ATG7: variants seen among roughly 807,000 people sequenced by gnomAD.
The protein encoded by ATG7 is ubiquitin-like modifier-activating enzyme ATG7.
In ATG7, 70 loss-of-function variants were observed where a neutral mutation model predicts 82.4. That is an observed-to-expected ratio of 0.85 (90% confidence interval 0.70 to 1.04). The LOEUF (loss-of-function observed/expected upper bound fraction) is 1.04. ATG7 is among the 50% of genes least tolerant of loss of function. The probability of loss-of-function intolerance (pLI) is 0.00; values close to 1 mark genes in which losing one functional copy is unlikely to be tolerated. For synonymous variants in ATG7, 287 were observed against 313.0 expected (o/e 0.92, Z 0.88); for missense variants, 792 against 864.3 (o/e 0.92, Z 1.05).
At chr3:11,575,666 T>C in the ATG7 span, among the ~76,000 whole-genome samples, 1 of 152,232 alleles carries the variant, frequency 6.6e-6, no homozygotes, top group Non-Finnish European at 1.5e-5. Context: ...TAAGTGATTT[T>C]AGTTAGAGAC....
In ATG7 at chr3:11,331,448, T is replaced by A; in HGVS notation, c.767+20T>A. The A allele has an allele frequency of 6.5e-7, 1 of 1,536,082 alleles. No homozygotes were observed. Among genetic ancestry groups the A allele is most frequent in the Non-Finnish European group, 9.0e-7 (1 of 1,109,276 alleles). ...CAGATGGTATTTACAAGAGTGTGTG[T>A]TTGTCTGTCTGTCTGCCTTTGCCAG... On this transcript the variant is annotated intron_variant, in intron 10 of 20. Transcript: ENST00000693202.
chr3:11,452,259 C>T (rs978945228), intron 20 of ATG7, among the ~76,000 whole-genome samples: 3 of 151,684 alleles, frequency 2.0e-5, no homozygotes, highest in African/African-American at 7.3e-5. Context: ...GTGGCACATG[C>T]CTGTAATCCC....
intron 20 of ATG7, among the ~76,000 whole-genome samples, chr3:11,494,649 A>G (rs978253744): frequency 6.6e-6 from 1 of 152,226 alleles, no homozygotes; most frequent in South Asian, 2.1e-4. Context: ...TGAGCAGAGC[A>G]GAATAGATCA....
intron 6 of ATG7, chr3:11,308,783 G>C: frequency 1.7e-6 from 1 of 600,130 alleles, no homozygotes; most frequent in Non-Finnish European, 3.0e-6. Flanking sequence ...ACTTGGCTTA[G>C]ATGTTGAAGG....
intron 20 of ATG7, among the ~76,000 whole-genome samples, chr3:11,466,948 G>A (rs2086885187): frequency 6.6e-6 from 1 of 152,088 alleles, no homozygotes; most frequent in African/African-American, 2.4e-5. Flanking sequence ...TGACTAACAT[G>A]GTGAAACCCC....
At chr3:11,394,439 G>C (rs764919092) in intron 19 of ATG7, among the ~76,000 whole-genome samples, 4 of 152,208 alleles carry the variant, frequency 2.6e-5, no homozygotes, top group Non-Finnish European at 5.9e-5. Context: ...CTTTGAGAGA[G>C]AATGTAAGCA....
chr3:11,428,821 T>G (rs2152947514), intron 20 of ATG7, among the ~76,000 whole-genome samples: 1 of 152,376 alleles, frequency 6.6e-6, no homozygotes, highest in African/African-American at 2.4e-5. Flanking sequence ...AATTTCAACC[T>G]GAAATTGACC....
intron 19 of ATG7, among the ~76,000 whole-genome samples, chr3:11,399,471 A>G (rs2079608005): frequency 6.6e-6 from 1 of 152,224 alleles, no homozygotes; most frequent in Non-Finnish European, 1.5e-5. Flanking sequence ...GAGGAAAAGT[A>G]GAGAAATTAT....
intron 20 of ATG7, among the ~76,000 whole-genome samples, chr3:11,497,743 C>A (rs959520309): frequency 8.6e-5 from 13 of 151,802 alleles, no homozygotes; most frequent in African/African-American, 3.1e-4. Flanking sequence ...GTACACGAGG[C>A]TGGTTTTAGT....
intron 19 of ATG7, among the ~76,000 whole-genome samples, chr3:11,399,943 G>A (rs1445756121): frequency 2.0e-5 from 3 of 152,086 alleles, no homozygotes; most frequent in Admixed American, 2.0e-4. Context: ...TACACAGATG[G>A]TCACTCTACA....
intron 1 of ATG7, among the ~76,000 whole-genome samples, chr3:11,276,784 C>T (rs982730096): frequency 6.6e-6 from 1 of 152,058 alleles, no homozygotes; most frequent in Non-Finnish European, 1.5e-5. Flanking sequence ...CAATTTTTGC[C>T]AAGACTCTGC....
intron 20 of ATG7, among the ~76,000 whole-genome samples, chr3:11,521,305 G>A (rs1455827306): frequency 3.9e-5 from 6 of 152,210 alleles, no homozygotes; most frequent in Non-Finnish European, 8.8e-5. Flanking sequence ...AAAGCAGAGT[G>A]TGACTGGGAC....
At chr3:11,318,017 G>A (rs1300115363) in intron 9 of ATG7, among the ~76,000 whole-genome samples, 1 of 152,220 alleles carries the variant, frequency 6.6e-6, no homozygotes, top group African/African-American at 2.4e-5. Flanking sequence ...GATTAAACAT[G>A]ATAATGTGAA....
At chr3:11,390,599 C>G (rs1043261640) in intron 19 of ATG7, among the ~76,000 whole-genome samples, 1 of 151,930 alleles carries the variant, frequency 6.6e-6, no homozygotes, top group Non-Finnish European at 1.5e-5. Context: ...TGGGAAATTG[C>G]TTTTACTCTC....
intron 19 of ATG7, among the ~76,000 whole-genome samples, chr3:11,416,490 T>C (rs1425558088): frequency 6.6e-6 from 1 of 152,186 alleles, no homozygotes; most frequent in Non-Finnish European, 1.5e-5. Flanking sequence ...AATTTCTAGA[T>C]ACGGAGTTGT....
At chr3:11,417,897 G>A (rs112119212) in intron 19 of ATG7, among the ~76,000 whole-genome samples, 1 of 148,162 alleles carries the variant, frequency 6.7e-6, no homozygotes, top group Non-Finnish European at 1.5e-5. Context: ...TGAAAGCTCT[G>A]CCTTCTGGGT....
At chr3:11,535,645 A>G (rs2092776953) in intron 20 of ATG7, among the ~76,000 whole-genome samples, 1 of 152,028 alleles carries the variant, frequency 6.6e-6, no homozygotes, top group African/African-American at 2.4e-5. Context: ...GATGAGGCAC[A>G]CAGGGTCCCT....
chr3:11,476,311 G>A lies in ATG7; in HGVS notation c.2079+49385G>A, dbSNP rs138715397. Reference sequence around the variant, plus strand: ...GGCTACATATCAGTTTGTAGAAAATGGGCACAATTCTAGGAATAGCTGTCC... The same window carrying A: ...GGCTACATATCAGTTTGTAGAAAATAGGCACAATTCTAGGAATAGCTGTCC... On this transcript the variant is annotated intron_variant, in intron 20 of 20. Transcript: ENST00000693202. Among the ~76,000 whole-genome samples the A allele has an allele frequency of 3.5e-3, 531 of 152,264 alleles. 3 individuals are homozygous for A. The highest frequency in any genetic ancestry group is 0.012 in the African/African-American group (509 of 41,524).
At chr3:11,427,764 G>A (rs1348091695) in intron 20 of ATG7, among the ~76,000 whole-genome samples, 2 of 150,986 alleles carry the variant, frequency 1.3e-5, no homozygotes, top group East Asian at 3.9e-4. Context: ...GCAATGAGCC[G>A]AGATTGTGCC....
Sources: gnomAD v4.1 joint callset for allele counts (sites outside exome capture counted in the v4.1 genomes callset) on GRCh38, gnomAD v4.1.1 for gene constraint, MANE v1.5 for transcripts, NCBI Gene and HGNC (gene_info 2026-07-23, HGNC 2026-07-21) for gene names.